Variants in CPQ observed in about 807,000 individuals in gnomAD.
CPQ encodes the protein Ser-Met dipeptidase.
A neutral mutation model predicts 45.7 loss-of-function variants in CPQ; 37 were observed. The ratio of observed to expected loss-of-function variants is 0.81; its 90% CI spans 0.62 to 1.07. The LOEUF is 1.07. CPQ is among the 50% of genes least tolerant of loss of function. The probability of loss-of-function intolerance (pLI) is 0.00; values close to 1 mark genes in which losing one functional copy is unlikely to be tolerated. For synonymous variants in CPQ, 186 were observed against 205.8 expected, an observed-to-expected ratio of 0.90 and a Z score of 0.82; for missense variants, 537 against 572.9, an observed-to-expected ratio of 0.94 and a Z score of 0.64.
At chr8:97,079,044 T>C (rs757705653) in intron 7 of CPQ, among the ~76,000 whole-genome samples, 16 of 152,120 alleles carry the variant, frequency 1.1e-4, no homozygotes, top group Non-Finnish European at 1.6e-4. Context: ...GCTCAAGCAG[T>C]CCTCCCACCT....
chr8:96,918,923 C>A (rs933269067), intron 4 of CPQ, among the ~76,000 whole-genome samples: 1 of 152,096 alleles, frequency 6.6e-6, no homozygotes, highest in Admixed American at 6.6e-5. Context: ...CTATGACTTA[C>A]CCTGCTTTAG....
chr8:97,100,326 G>A (rs1466595462), intron 7 of CPQ, among the ~76,000 whole-genome samples: 2 of 152,216 alleles, frequency 1.3e-5, no homozygotes, highest in Admixed American at 1.3e-4. Context: ...ACTTTATGAA[G>A]ACAGTGGAGT....
intron 4 of CPQ, among the ~76,000 whole-genome samples, chr8:96,885,017 G>T (rs112860609): frequency 0.022 from 3,382 of 152,258 alleles, 85 homozygotes; most frequent in Non-Finnish European, 0.029. Context: ...CAGAGGGGAG[G>T]AAAGTGGGTA....
intron 7 of CPQ, among the ~76,000 whole-genome samples, chr8:97,118,069 G>C (rs1363626765): frequency 6.6e-6 from 1 of 152,162 alleles, no homozygotes; most frequent in Non-Finnish European, 1.5e-5. Context: ...TTACAAGCCA[G>C]TTGGAATTTG....
chr8:97,062,000 G>A (rs926408669), intron 6 of CPQ, among the ~76,000 whole-genome samples: 4 of 152,064 alleles, frequency 2.6e-5, no homozygotes, highest in African/African-American at 9.7e-5. Context: ...ATATAGCCTA[G>A]GGCACCTTTG....
rs1813523064 is a variant in CPQ at position 96,964,562 on chromosome 8, G to T, written c.850-1373G>T. Among the ~76,000 whole-genome samples, 3 of 150,996 alleles carry T rather than the reference G, an allele frequency of 2.0e-5. 1 individual carries two copies. In the South Asian group the frequency reaches 6.3e-4, roughly 32 times the overall value. On this transcript the variant is annotated intron_variant, in intron 4 of 7. Transcript: ENST00000220763. ...GCTGAATATTTTCTGTTTTTCCGTG[G>T]GTTACCTTTTCACTCTCTTAGTGGG...
At chr8:97,120,837 T>C (rs892439302) in intron 7 of CPQ, among the ~76,000 whole-genome samples, 1 of 152,208 alleles carries the variant, frequency 6.6e-6, no homozygotes, top group Non-Finnish European at 1.5e-5. Flanking sequence ...AAAGGATCAG[T>C]CATACAGAAA....
intron 1 of CPQ, among the ~76,000 whole-genome samples, chr8:96,752,608 G>A (rs1396226013): frequency 1.3e-5 from 2 of 151,956 alleles, no homozygotes; most frequent in African/African-American, 4.8e-5. Context: ...TCCTATTTCA[G>A]TAATCTTTAT....
chr8:97,015,374 G>T (rs1352951358), intron 5 of CPQ, among the ~76,000 whole-genome samples: 1 of 150,962 alleles, frequency 6.6e-6, no homozygotes, highest in African/African-American at 2.4e-5. Context: ...CATTATCTTA[G>T]ACATGTGTTG....
intron 5 of CPQ, among the ~76,000 whole-genome samples, chr8:96,992,678 G>A (rs939085775): frequency 3.3e-5 from 5 of 152,118 alleles, no homozygotes; most frequent in African/African-American, 1.2e-4. Context: ...AAAGAGTCTG[G>A]CCATAGTATT....
At chr8:96,869,975 A>C (rs1420533022) in intron 3 of CPQ, among the ~76,000 whole-genome samples, 10 of 152,068 alleles carry the variant, frequency 6.6e-5, no homozygotes, top group African/African-American at 2.4e-4. Context: ...TGTAGATACT[A>C]GGTATGCAAA....
intron 2 of CPQ, among the ~76,000 whole-genome samples, chr8:96,820,699 T>C (rs1811289994): frequency 6.6e-6 from 1 of 152,140 alleles, no homozygotes; most frequent in South Asian, 2.1e-4. Flanking sequence ...GCGTTTTCTT[T>C]CTTCATTCAT....
In CPQ at chr8:96,730,866, C is replaced by CATATATATATATATAT. The variant is rs35247469; in HGVS notation, c.-34-53987_-34-53972dup. On this transcript the variant is annotated intron_variant, in intron 1 of 7. Coordinates refer to ENST00000220763, the MANE Select transcript of CPQ (RefSeq NM_016134.4). ...GATCTAGATCAATTAACCATACATA[C>CATATATATATATATAT]ATATATATATATATATATATATATA... Among the ~76,000 whole-genome samples the CATATATATATATATAT allele has an allele frequency of 7.4e-3, 507 of 68,518 alleles. 7 individuals are homozygous for CATATATATATATATAT. Among genetic ancestry groups the CATATATATATATATAT allele is most frequent in the African/African-American group, 0.012 (229 of 19,630 alleles). 45.0% of individuals were successfully genotyped at this position (68,518 alleles called of 152,430 possible). A position where few individuals can be genotyped will look rare whatever the true frequency, so the allele number is the denominator to read the frequency against.
chr8:96,850,544 G>C (rs1357986414), intron 3 of CPQ, among the ~76,000 whole-genome samples: 3 of 151,242 alleles, frequency 2.0e-5, no homozygotes, highest in Non-Finnish European at 3.0e-5. Context: ...AAGGCATTAA[G>C]GTGTTACACT....
intron 6 of CPQ, among the ~76,000 whole-genome samples, chr8:97,060,276 C>T (rs1037954910): frequency 2.0e-5 from 3 of 152,024 alleles, no homozygotes; most frequent in African/African-American, 4.8e-5. Flanking sequence ...TTGAATCTTG[C>T]GTTGCACCCA....
At chr8:96,836,061 G>A (rs997272545) in intron 3 of CPQ, among the ~76,000 whole-genome samples, 8 of 152,086 alleles carry the variant, frequency 5.3e-5, no homozygotes, top group African/African-American at 1.9e-4. Context: ...AGAAACATGG[G>A]GAAAAGAAGC....
chr8:96,790,341 T>C (rs1810830479), intron 2 of CPQ, among the ~76,000 whole-genome samples: 1 of 152,114 alleles, frequency 6.6e-6, no homozygotes. Context: ...CTTGTTGGCT[T>C]GCAGCTTCCA....
At chr8:96,744,718 T>C (rs1475225873) in intron 1 of CPQ, among the ~76,000 whole-genome samples, 1 of 152,222 alleles carries the variant, frequency 6.6e-6, no homozygotes, top group African/African-American at 2.4e-5. Context: ...AAGCTTTAGA[T>C]GGTGTCTCTT....
chr8:96,898,906 A>C (rs1393634698), intron 4 of CPQ, among the ~76,000 whole-genome samples: 2 of 152,118 alleles, frequency 1.3e-5, no homozygotes, highest in Non-Finnish European at 2.9e-5. Context: ...GCCACCCAGA[A>C]ACCAAGTCCC....
Sources: allele counts gnomAD v4.1 joint callset (sites outside exome capture counted in the v4.1 genomes callset), GRCh38; gene constraint gnomAD v4.1.1; transcripts MANE v1.5; gene names NCBI Gene and HGNC (gene_info 2026-07-23, HGNC 2026-07-21).